The following TXNDC16 variants were observed in gnomAD, a reference collection of about 807,000 sequenced individuals.
TXNDC16 encodes thioredoxin domain containing 16.
A neutral mutation model predicts 85.6 loss-of-function variants in TXNDC16; 74 were observed. The observed-to-expected ratio is 0.86, with a 90% CI of 0.72 to 1.05. TXNDC16 has a LOEUF of 1.05. TXNDC16 is among the 50% of genes least tolerant of loss of function. The probability of loss-of-function intolerance (pLI) is 0.00; values close to 1 mark genes in which losing one functional copy is unlikely to be tolerated. For missense variants in TXNDC16, 959 were observed against 947.0 expected (o/e 1.01, Z -0.17); for synonymous variants, 335 against 326.5 (o/e 1.03, Z -0.28).
intron 1 of TXNDC16, among the ~76,000 whole-genome samples, chr14:52,548,818 G>A (rs2037990521): frequency 6.6e-6 from 1 of 151,648 alleles, no homozygotes. Context: ...AGAGGCAGAG[G>A]TTGCAGTGAG....
chr14:52,506,529 T>TCATGCTAAAAACTC (rs1461103438), intron 9 of TXNDC16, among the ~76,000 whole-genome samples: 41 of 116,918 alleles, frequency 3.5e-4, no homozygotes, highest in East Asian at 1.2e-3. Context: ...CAACAACCCT[T>TCATGCTAAAAACTC]TTTTTTTTTT....
chr14:52,440,009 T>C (rs1048033482), intron 19 of TXNDC16, among the ~76,000 whole-genome samples: 16 of 152,188 alleles, frequency 1.1e-4, no homozygotes, highest in Non-Finnish European at 1.9e-4. Flanking sequence ...TAGAATGCAC[T>C]GTTAAACTCT....
chr14:52,455,568 T>G, intron 17 of TXNDC16, 106 bp from the exon 18 acceptor site: 3 of 1,294,034 alleles, frequency 2.3e-6, no homozygotes, highest in Non-Finnish European at 2.1e-6. Flanking sequence ...TGGGAATTCC[T>G]ACTGCTAAGG....
At position 52,542,228 on chromosome 14, in the gene TXNDC16, G is replaced by A. The variant is rs1324813772; in HGVS notation, c.243+143C>T. On this transcript the variant is annotated intron_variant, in intron 4 of 20. Coordinates refer to ENST00000281741, the MANE Select transcript of TXNDC16 (RefSeq NM_020784.3). ...CAATAACCTGAAACTATCTTTCTGG[G>A]CTTCTGTTTATTCTTATGAAAAAAA... 1.4e-5 allele frequency: 8 copies of A among 586,222 alleles called. No individual in the cohort carries two copies. The South Asian group carries it at 2.1e-4, about 15-fold the overall frequency. 36.3% of individuals were successfully genotyped at this position (586,222 alleles called of 1,614,324 possible). A position where few individuals can be genotyped will look rare whatever the true frequency, so the allele number is the denominator to read the frequency against.
intron 6 of TXNDC16, among the ~76,000 whole-genome samples, chr14:52,527,588 G>A (rs1055501982): frequency 2.6e-5 from 4 of 151,998 alleles, no homozygotes; most frequent in African/African-American, 7.3e-5. Flanking sequence ...ATATAAACTC[G>A]GAGATTAATA....
At chr14:52,443,662 T>C (rs2035215093) in intron 18 of TXNDC16, among the ~76,000 whole-genome samples, 1 of 152,130 alleles carries the variant, frequency 6.6e-6, no homozygotes, top group African/African-American at 2.4e-5. Context: ...AAGAGGCAAA[T>C]ATGGCTGTGA....
intron 16 of TXNDC16, among the ~76,000 whole-genome samples, chr14:52,469,767 C>T (rs751178632): frequency 4.6e-5 from 7 of 151,792 alleles, no homozygotes; most frequent in South Asian, 2.1e-4. Context: ...ACAAAAAAAA[C>T]GCAAGATTCT....
chr14:52,470,758 A>G, intron 14 of TXNDC16, 78 bp from the exon 15 acceptor site: 1 of 1,364,114 alleles, frequency 7.3e-7, no homozygotes, highest in African/African-American at 1.5e-5. Flanking sequence ...GTATTTTTCT[A>G]TCCCATTCTT....
chr14:52,543,213 T>G (rs2037870438), intron 3 of TXNDC16, among the ~76,000 whole-genome samples, 185 bp downstream of exon 3: 1 of 152,124 alleles, frequency 6.6e-6, no homozygotes, highest in African/African-American at 2.4e-5. Flanking sequence ...AAAAGCTAAG[T>G]GACTTAACCA....
intron 6 of TXNDC16, among the ~76,000 whole-genome samples, chr14:52,519,825 ATCGTTGCC>A (rs1296828610): frequency 1.3e-5 from 2 of 152,240 alleles, no homozygotes; most frequent in African/African-American, 4.8e-5. Flanking sequence ...CAGATTAAAC[ATCGTTGCC>A]TCAGAGAAGT....
intron 6 of TXNDC16, among the ~76,000 whole-genome samples, chr14:52,524,592 C>T (rs2037283559): frequency 6.6e-6 from 1 of 152,092 alleles, no homozygotes; most frequent in African/African-American, 2.4e-5. Context: ...GGGCTAAAGC[C>T]ATTATCCTGT....
chr14:52,545,110 A>G (rs2037915819), intron 1 of TXNDC16, among the ~76,000 whole-genome samples: 1 of 152,192 alleles, frequency 6.6e-6, no homozygotes, highest in African/African-American at 2.4e-5. Flanking sequence ...TAAACTGTAC[A>G]ACATGAAAAG....
chr14:52,539,060 C>CA (rs2037769781), intron 4 of TXNDC16, among the ~76,000 whole-genome samples: 1 of 152,174 alleles, frequency 6.6e-6, no homozygotes, highest in South Asian at 2.1e-4. Context: ...TCTACCATGT[C>CA]AGTCACTGTT....
intron 9 of TXNDC16, among the ~76,000 whole-genome samples, chr14:52,492,654 C>T (rs1478413869): frequency 6.6e-6 from 1 of 152,196 alleles, no homozygotes; most frequent in Non-Finnish European, 1.5e-5. Context: ...GACATTTGAA[C>T]TAGGCAGGGA....
intron 1 of TXNDC16, among the ~76,000 whole-genome samples, chr14:52,547,501 T>C (rs188361343): frequency 3.3e-5 from 5 of 152,240 alleles, no homozygotes; most frequent in African/African-American, 1.2e-4. Flanking sequence ...ACTTTTCCTG[T>C]AATTCATTTC....
chr14:52,461,211 G>T (rs528722691), intron 16 of TXNDC16, among the ~76,000 whole-genome samples: 138 of 151,282 alleles, frequency 9.1e-4, no homozygotes, highest in African/African-American at 3.0e-3. Flanking sequence ...ATTATATTAT[G>T]TTAGCTATAA....
At chr14:52,505,178 C>A (rs964027166) in intron 9 of TXNDC16, among the ~76,000 whole-genome samples, 18 of 152,140 alleles carry the variant, frequency 1.2e-4, no homozygotes, top group African/African-American at 3.9e-4. Flanking sequence ...AGAAAGTTAA[C>A]AAGGATATCC....
At chr14:52,435,767 C>T (rs953980905) in intron 20 of TXNDC16, among the ~76,000 whole-genome samples, 20 of 151,948 alleles carry the variant, frequency 1.3e-4, no homozygotes, top group Admixed American at 1.0e-3. Context: ...TCAAGACCAG[C>T]CTGGACAACA....
In TXNDC16 at chr14:52,499,499, A is replaced by G. The variant is rs1389054617; in HGVS notation, c.757-8494T>C. Among the ~76,000 whole-genome samples the G allele has an allele frequency of 2.0e-5, 3 of 152,238 alleles. 1 individual carries two copies. In the East Asian group the frequency reaches 5.8e-4, roughly 29 times the overall value. On this transcript the variant is annotated intron_variant, in intron 9 of 20. Coordinates refer to ENST00000281741, the MANE Select transcript of TXNDC16 (RefSeq NM_020784.3). ...GAATAGACATTTTTCCAAAGAAGAT[A>G]CACAAATGGCCAAGCATATGAGACG...
Sources: allele counts gnomAD v4.1 joint callset (sites outside exome capture counted in the v4.1 genomes callset), GRCh38; gene constraint gnomAD v4.1.1; transcripts MANE v1.5; gene names NCBI Gene and HGNC (gene_info 2026-07-23, HGNC 2026-07-21).